RYR2: variants seen among roughly 807,000 people sequenced by gnomAD.
RYR2 encodes cardiac muscle ryanodine receptor-calcium release channel.
RYR2 carries 227 observed loss-of-function variants against 601.1 expected under a neutral mutation model. The observed-to-expected ratio is 0.38, with a 90% CI of 0.34 to 0.42. The LOEUF is 0.42. Among genes scored for constraint, RYR2 ranks in the 10% least tolerant of loss-of-function variants. The pLI is 1.00. For missense variants in RYR2, 4,646 were observed against 6,156.5 expected (o/e 0.75, Z 8.21); for synonymous variants, 2,223 against 2,175.1 (o/e 1.02, Z -0.61).
At chr1:237,204,802 G>A (rs1389504553) in intron 1 of RYR2, among the ~76,000 whole-genome samples, 2 of 152,214 alleles carry the variant, frequency 1.3e-5, no homozygotes, top group African/African-American at 4.8e-5. Flanking sequence ...GACAGTCAAC[G>A]ACTGAGCCCC....
At chr1:237,770,958 G>T in intron 85 of RYR2, 71 bp downstream of exon 85, 1 of 887,498 alleles carries the variant, frequency 1.1e-6, no homozygotes, top group Non-Finnish European at 1.7e-6. Flanking sequence ...AATAACAAGA[G>T]CCTGTTAGTT....
intron 29 of RYR2, among the ~76,000 whole-genome samples, chr1:237,580,797 G>A (rs28441340): frequency 0.3 from 45,426 of 152,044 alleles, 7,266 homozygotes; most frequent in East Asian, 0.61. Context: ...AAGAAGAGGA[G>A]AAGACACCAG....
At chr1:237,406,480 T>A (rs1703918521) in intron 10 of RYR2, among the ~76,000 whole-genome samples, 1 of 151,826 alleles carries the variant, frequency 6.6e-6, no homozygotes, top group South Asian at 2.1e-4. Context: ...AAGATAATAG[T>A]TCTTCATATT....
Position 237,792,112 on chromosome 1 carries a change from C to T in RYR2, c.13571C>T (p.Thr4524Ile), listed in dbSNP as rs751926350. Residue 4524 changes from threonine to isoleucine, a missense_variant, in exon 94 of 105, where the codon ACT becomes ATT. Coordinates refer to ENST00000366574, the MANE Select transcript of RYR2 (RefSeq NM_001035.3). The stretch of plus-strand genomic sequence containing the variant: ...TTAAATGCTTTGAATCAGGTCTCCA[C>T]TTCTTCTGTGGTTGAAGGAAAGGAG... ...NFILLFYKVS[T>I]SSVVEGKELP... is the part of the protein sequence containing the mutation. 1.3e-6 allele frequency: 2 copies of T among 1,593,350 alleles called. No individual in the cohort carries two copies. The highest frequency in any genetic ancestry group is 2.7e-5 in the African/African-American group (2 of 74,666).
rs118014172 is a variant in RYR2 at position 237,288,500 on chromosome 1, G to T, written c.168+17884G>T. Among the ~76,000 whole-genome samples the T allele has an allele frequency of 2.6e-3, 399 of 152,040 alleles. 9 individuals are homozygous for T. The East Asian group carries it at 0.046, about 18-fold the overall frequency. On this transcript the variant is annotated intron_variant, in intron 2 of 104. Coordinates refer to ENST00000366574, the MANE Select transcript of RYR2 (RefSeq NM_001035.3). ...GGGTCCTGCTGCAGCTGCTCTCGGGGGTGGGGGTGAGATACCTAGGTTACT... is the reference window on the plus strand; with the variant it reads ...GGGTCCTGCTGCAGCTGCTCTCGGGTGTGGGGGTGAGATACCTAGGTTACT...
At chr1:237,485,285 C>T (rs983650121) in intron 17 of RYR2, among the ~76,000 whole-genome samples, 1 of 152,022 alleles carries the variant, frequency 6.6e-6, no homozygotes, top group African/African-American at 2.4e-5. Context: ...TTTGTTTAAA[C>T]AGAATGTGAG....
Position 237,091,451 on chromosome 1 carries a change from G to A in RYR2, c.48+48882G>A, listed in dbSNP as rs928096949. ...TTTGGGGGGGGCGGGGGGGGATAGG[G>A]TCTTGCCCCATTGCCCAGGCTGGAG... On this transcript the variant is annotated intron_variant, in intron 1 of 104. Transcript: ENST00000366574. Among the ~76,000 whole-genome samples the A allele has an allele frequency of 3.9e-4, 59 of 151,458 alleles. No individual in the cohort carries two copies. In the Middle Eastern group the frequency reaches 0.01, roughly 26 times the overall value.
In RYR2 at chr1:237,831,576, T is replaced by C. The variant is rs889601799; in HGVS notation, c.14808+11T>C. The C allele has an allele frequency of 2.7e-6, 4 of 1,483,550 alleles. No homozygotes were observed. The highest frequency in any genetic ancestry group is 3.7e-6 in the Non-Finnish European group (4 of 1,071,580). The allele number at this position is 1,483,550 out of a possible 1,614,324, so 91.9% of individuals were successfully genotyped here. On this transcript the variant is annotated intron_variant, in intron 104 of 104. Coordinates refer to ENST00000366574, the MANE Select transcript of RYR2 (RefSeq NM_001035.3). ...GAACACACAGGACAGGTAGGTAAAT[T>C]ATTACATGTCATCTTCTGAAAGAAA... is the stretch of plus-strand genomic sequence containing the variant.
chr1:237,813,849 T>C (rs1285564883), intron 100 of RYR2, among the ~76,000 whole-genome samples: 1 of 152,234 alleles, frequency 6.6e-6, no homozygotes, highest in African/African-American at 2.4e-5. Flanking sequence ...ACAATAAACT[T>C]ACTATCTTGT....
intron 16 of RYR2, among the ~76,000 whole-genome samples, chr1:237,459,451 A>G (rs1218731714): frequency 6.6e-6 from 1 of 152,190 alleles, no homozygotes; most frequent in Non-Finnish European, 1.5e-5. Context: ...GTTTGAGGGT[A>G]GAAAGTGTTA....
chr1:237,354,006 C>A (rs1699084013), intron 3 of RYR2, among the ~76,000 whole-genome samples: 1 of 152,130 alleles, frequency 6.6e-6, no homozygotes, highest in South Asian at 2.1e-4. Flanking sequence ...TCAACAAGAA[C>A]AAGAGACGTG....
At chr1:237,330,680 AC>A (rs1158405501) in intron 2 of RYR2, among the ~76,000 whole-genome samples, 197 bp from the exon 3 acceptor site, 1 of 152,078 alleles carries the variant, frequency 6.6e-6, no homozygotes, top group East Asian at 1.9e-4. Flanking sequence ...GAGCCACCGC[AC>A]CCGGCCACTA....
chr1:237,095,536 C>A (rs1465652305), intron 1 of RYR2, among the ~76,000 whole-genome samples: 2 of 152,208 alleles, frequency 1.3e-5, no homozygotes, highest in African/African-American at 4.8e-5. Context: ...AGCAGCACTG[C>A]CGACATCTCT....
chr1:237,238,094 C>T (rs1316909764), intron 1 of RYR2, among the ~76,000 whole-genome samples: 3 of 151,790 alleles, frequency 2.0e-5, no homozygotes, highest in Non-Finnish European at 1.5e-5. Flanking sequence ...AGCAGGACCA[C>T]AGGTGTGGTC....
At chr1:237,204,759 T>C (rs1238783170) in intron 1 of RYR2, among the ~76,000 whole-genome samples, 1 of 152,092 alleles carries the variant, frequency 6.6e-6, no homozygotes. Flanking sequence ...AAATGACATG[T>C]CCTAAGTCAG....
intron 77 of RYR2, among the ~76,000 whole-genome samples, chr1:237,730,757 C>A (rs537529988): frequency 6.6e-6 from 1 of 152,134 alleles, no homozygotes; most frequent in South Asian, 2.1e-4. Context: ...TTTTAGAAAT[C>A]AACAGGGCAG....
chr1:237,642,428 C>T (rs1431686831), intron 47 of RYR2, among the ~76,000 whole-genome samples: 1 of 152,042 alleles, frequency 6.6e-6, no homozygotes, highest in South Asian at 2.1e-4. Flanking sequence ...TTACTGACAA[C>T]AACAACAAAA....
At chr1:237,081,434 C>G (rs1665635971) in intron 1 of RYR2, among the ~76,000 whole-genome samples, 1 of 151,610 alleles carries the variant, frequency 6.6e-6, no homozygotes, top group Admixed American at 6.6e-5. Context: ...GGGCCAGGTT[C>G]TAAAGGGACA....
chr1:237,592,445 C>A (rs1675308431), intron 32 of RYR2, among the ~76,000 whole-genome samples: 1 of 151,468 alleles, frequency 6.6e-6, no homozygotes, highest in African/African-American at 2.4e-5. Context: ...CCAGCCTGGC[C>A]AACATGGTGA....
Sources: allele counts gnomAD v4.1 joint callset (sites outside exome capture counted in the v4.1 genomes callset), GRCh38; gene constraint gnomAD v4.1.1; transcripts MANE v1.5; gene names NCBI Gene and HGNC (gene_info 2026-07-23, HGNC 2026-07-21).